ARHGAP35: variants seen among roughly 807,000 people sequenced by gnomAD.
The protein encoded by ARHGAP35 is rho GTPase-activating protein 35.
Under a neutral mutation model 111.1 loss-of-function variants are expected in ARHGAP35, and 15 were observed. The ratio of observed to expected loss-of-function variants is 0.13; its 90% CI spans 0.09 to 0.21. The LOEUF (loss-of-function observed/expected upper bound fraction) is 0.21, where lower values mean the gene tolerates loss of function less well. Among genes scored for constraint, ARHGAP35 ranks in the 10% least tolerant of loss-of-function variants. The probability of loss-of-function intolerance (pLI) is 1.00; values close to 1 mark genes in which losing one functional copy is unlikely to be tolerated. For missense variants in ARHGAP35, 1,262 were observed against 1,873.0 expected, an observed-to-expected ratio of 0.67 and a Z score of 6.02; for synonymous variants, 643 against 710.3, an observed-to-expected ratio of 0.91 and a Z score of 1.51.
intron 1 of ARHGAP35, among the ~76,000 whole-genome samples, chr19:46,903,638 A>G (rs2056091827): frequency 6.6e-6 from 1 of 152,210 alleles, no homozygotes; most frequent in Non-Finnish European, 1.5e-5. Context: ...GCCAGACCTG[A>G]TTTCCTTCTT....
At chr19:46,864,649 A>G (rs2055845906) in intron 1 of ARHGAP35, among the ~76,000 whole-genome samples, 1 of 152,212 alleles carries the variant, frequency 6.6e-6, no homozygotes, top group Non-Finnish European at 1.5e-5. Flanking sequence ...CTGATAGTAG[A>G]TTTGTATGGT....
intron 3 of ARHGAP35, among the ~76,000 whole-genome samples, chr19:46,964,059 G>A (rs958713354): frequency 4.3e-4 from 65 of 151,950 alleles, no homozygotes; most frequent in African/African-American, 1.4e-3. Flanking sequence ...GTAGAGACGG[G>A]GTTTCACCAT....
At chr19:46,947,324 T>A (rs1389709980) in intron 3 of ARHGAP35, 1 of 152,190 alleles carries the variant, frequency 6.6e-6, no homozygotes, top group Non-Finnish European at 1.5e-5. Context: ...AGACAAGGAA[T>A]GTTATTGGAT....
In ARHGAP35 at chr19:46,919,668, G is replaced by T; in HGVS notation, c.993G>T (p.Glu331Asp). 1 of 1,613,956 alleles carries T rather than the reference G, an allele frequency of 6.2e-7. No individual in the cohort carries two copies. The highest frequency in any genetic ancestry group is 8.5e-7 in the Non-Finnish European group (1 of 1,179,880). ...AGCACATCCACCGCCTCAAGCATGA[G>T]CATATCGAGCGTAGGAGAAAGCTGT... ...FLQHIHRLKH[E>D]HIERRRKLYL... is the part of the protein sequence containing the mutation. The change falls in exon 2 of 7, where the codon GAG (glutamate) becomes GAT (aspartate). Residue 331 changes from glutamate (E) to aspartate (D), a missense_variant. Glu to Asp is a conservative substitution (Grantham distance 45). Around this residue, in one of 8 missense-constraint regions of ARHGAP35, gnomAD observed 328 missense variants for 440.8 expected, o/e 0.74. Transcript: ENST00000672722. This position sits in a 1 kb window ranked among gnomAD's most constrained non-coding sequence, Gnocchi z 6.2.
intron 1 of ARHGAP35, among the ~76,000 whole-genome samples, chr19:46,868,823 A>G (rs1305446238): frequency 1.3e-5 from 2 of 152,172 alleles, no homozygotes; most frequent in Non-Finnish European, 2.9e-5. Context: ...ATTAAAAAAT[A>G]AAAATTAAAA....
Position 46,918,839 on chromosome 19 carries a change from C to T in ARHGAP35, c.164C>T (p.Thr55Ile), listed in dbSNP as rs2056179432. 1 of 1,613,946 alleles carries T rather than the reference C, an allele frequency of 6.2e-7. No homozygotes were observed. The highest frequency in any genetic ancestry group is 8.5e-7 in the Non-Finnish European group (1 of 1,179,868). Residue 55 changes from threonine to isoleucine, a missense_variant, in exon 2 of 7, where the codon ACC (threonine) becomes ATC (isoleucine). Transcript: ENST00000672722. This position sits in a 1 kb window ranked among gnomAD's most constrained non-coding sequence, Gnocchi z 5.4. ...PSADEFHLDH[T>I]SVLSTSDFGG... ...GCTGACGAGTTTCACTTGGACCATA[C>T]CTCCGTCCTCAGCACCAGTGACTTT...
intron 2 of ARHGAP35, among the ~76,000 whole-genome samples, chr19:46,932,497 G>A (rs1415399039): frequency 6.6e-6 from 1 of 152,104 alleles, no homozygotes; most frequent in Non-Finnish European, 1.5e-5. Flanking sequence ...CGTCTGACTG[G>A]GGGCATGAGA....
chr19:46,905,778 C>G (rs952209411), intron 1 of ARHGAP35, among the ~76,000 whole-genome samples: 2 of 152,074 alleles, frequency 1.3e-5, no homozygotes, highest in African/African-American at 4.8e-5. Flanking sequence ...TCTTGAACCC[C>G]TAACCTCACA....
chr19:46,887,744 A>G (rs1385207535), intron 1 of ARHGAP35, among the ~76,000 whole-genome samples: 2 of 152,102 alleles, frequency 1.3e-5, no homozygotes, highest in African/African-American at 4.8e-5. Context: ...TTCTCCTGCT[A>G]CACCCTCCCC....
intron 2 of ARHGAP35, among the ~76,000 whole-genome samples, chr19:46,932,590 A>G (rs990823302): frequency 2.6e-5 from 4 of 152,160 alleles, no homozygotes; most frequent in Admixed American, 6.5e-5. Context: ...TGTTGTTTCT[A>G]TCAGCAGTCT....
At chr19:46,880,756 A>G (rs533684165) in intron 1 of ARHGAP35, among the ~76,000 whole-genome samples, 3 of 151,892 alleles carry the variant, frequency 2.0e-5, no homozygotes, top group African/African-American at 7.3e-5. Flanking sequence ...AGCTACTGCA[A>G]CTTTGAACTC....
At chr19:46,925,357 A>C (rs1013428566) in intron 2 of ARHGAP35, among the ~76,000 whole-genome samples, 1 of 152,228 alleles carries the variant, frequency 6.6e-6, no homozygotes, top group African/African-American at 2.4e-5. Context: ...GTTTTACTGG[A>C]AAAGCAAGAT....
intron 3 of ARHGAP35, among the ~76,000 whole-genome samples, chr19:46,984,081 G>C (rs931462131): frequency 6.6e-6 from 1 of 152,184 alleles, no homozygotes; most frequent in African/African-American, 2.4e-5. Context: ...ATTGCAGCCA[G>C]TAGGGAGGGC....
chr19:46,891,915 C>G (rs2056025853), intron 1 of ARHGAP35, among the ~76,000 whole-genome samples: 1 of 152,010 alleles, frequency 6.6e-6, no homozygotes, highest in Non-Finnish European at 1.5e-5. Flanking sequence ...CCGAGGCAGG[C>G]AGATTGCTTG....
At chr19:46,964,516 C>CT (rs1174659654) in intron 3 of ARHGAP35, among the ~76,000 whole-genome samples, 2 of 152,172 alleles carry the variant, frequency 1.3e-5, no homozygotes, top group Admixed American at 6.5e-5. Context: ...CATCAGCCTC[C>CT]TAAAGTGGTG....
intron 5 of ARHGAP35, among the ~76,000 whole-genome samples, chr19:46,995,629 A>G (rs2056703195): frequency 6.6e-6 from 1 of 152,232 alleles, no homozygotes; most frequent in Non-Finnish European, 1.5e-5. Flanking sequence ...CTCAGCCACC[A>G]TATGGGTAAC....
chr19:46,923,941 G>GA (rs950089518), intron 2 of ARHGAP35, among the ~76,000 whole-genome samples: 7 of 150,428 alleles, frequency 4.7e-5, no homozygotes, highest in Non-Finnish European at 8.9e-5. Context: ...AAGGAAAAAG[G>GA]AAAAAAAATG....
At chr19:46,905,611 G>A (rs910535900) in intron 1 of ARHGAP35, among the ~76,000 whole-genome samples, 3 of 151,206 alleles carry the variant, frequency 2.0e-5, no homozygotes, top group South Asian at 2.1e-4. Context: ...GTGCAATGGC[G>A]CGATCTCAGC....
At chr19:46,888,845 A>T (rs2056009417) in intron 1 of ARHGAP35, among the ~76,000 whole-genome samples, 1 of 141,370 alleles carries the variant, frequency 7.1e-6, no homozygotes, top group African/African-American at 3.0e-5. Flanking sequence ...TACAAAAAAA[A>T]AAAAAAAAAA....
Sources: allele counts gnomAD v4.1 joint callset (sites outside exome capture counted in the v4.1 genomes callset), GRCh38; gene constraint gnomAD v4.1.1; regional missense constraint gnomAD v4.1.1; non-coding constraint Gnocchi (gnomAD v3.1); transcripts MANE v1.5; gene names NCBI Gene and HGNC (gene_info 2026-07-23, HGNC 2026-07-21).